Variants in BCHE observed in about 807,000 individuals in gnomAD.
BCHE encodes cholinesterase.
A neutral mutation model predicts 51.3 loss-of-function variants in BCHE; 48 were observed. That is an observed-to-expected ratio of 0.94 (90% CI 0.74 to 1.19). The LOEUF (loss-of-function observed/expected upper bound fraction) is 1.19, where lower values mean the gene tolerates loss of function less well. BCHE is among the 50% of genes most tolerant of loss of function. The probability of loss-of-function intolerance (pLI) is 0.00; values close to 1 mark genes in which losing one functional copy is unlikely to be tolerated. For missense variants in BCHE, 847 were observed against 708.2 expected, an observed-to-expected ratio of 1.20 and a Z score of -2.23; for synonymous variants, 251 against 238.0, an observed-to-expected ratio of 1.05 and a Z score of -0.50.
intron 3 of BCHE, among the ~76,000 whole-genome samples, chr3:165,779,533 A>C (rs79913347): frequency 6.6e-6 from 1 of 152,142 alleles, no homozygotes; most frequent in African/African-American, 2.4e-5. Flanking sequence ...GTCTTAGCCC[A>C]AAACCTCCTG....
rs1714879499 is a variant in BCHE, at chr3:165,829,796, T to C, written c.1238A>G (p.Tyr413Cys). Residue 413 changes from tyrosine to cysteine, a missense_variant, in exon 2 of 4, where the codon TAC (tyrosine) becomes TGC (cysteine). Coordinates refer to ENST00000264381, the MANE Select transcript of BCHE (RefSeq NM_000055.4). ...DWVDDQRPEN[Y>C]REALGDVVGD... ...AACAACATCACCCAAGGCCTCACGG[T>C]AGTTTTCAGGTCTCTGATCATCTAC... is the stretch of plus-strand genomic sequence containing the variant. 1 of 1,613,794 alleles carries C rather than the reference T, an allele frequency of 6.2e-7. No individual in the cohort carries two copies. Among genetic ancestry groups the C allele is most frequent in the South Asian group, 1.1e-5 (1 of 91,086 alleles).
Position 165,812,274 on chromosome 3 carries a change from C to A in BCHE, c.1517+17243G>T, listed in dbSNP as rs1413436788. ...TATCAATGGAAAAAAAAATGGATCT[C>A]ATGAGTCTTTGATTTTTTTTTTTGA... On this transcript the variant is annotated intron_variant, in intron 2 of 3. Transcript: ENST00000264381. 4.2e-5 allele frequency among the ~76,000 whole-genome samples: 4 copies of A among 95,194 alleles called. No homozygotes were observed. In the East Asian group the frequency reaches 1.2e-3, roughly 29 times the overall value. The allele number at this position is 95,194 out of a possible 152,430, so 62.5% of individuals were successfully genotyped here. A position where few individuals can be genotyped will look rare whatever the true frequency, so the allele number is the denominator to read the frequency against.
Position 165,829,504 on chromosome 3 carries a change from A to T in BCHE, c.1517+13T>A. 1 of 1,605,058 alleles carries T rather than the reference A, an allele frequency of 6.2e-7. No homozygotes were observed. The highest frequency in any genetic ancestry group is 8.5e-7 in the Non-Finnish European group (1 of 1,171,964). On this transcript the variant is annotated intron_variant, in intron 2 of 3. Coordinates refer to ENST00000264381, the MANE Select transcript of BCHE (RefSeq NM_000055.4). ...AACCAAGCCAGAGAACAATGACAAA[A>T]ATCAGCACTTACCCATATTTTGCAA...
At chr3:165,788,788 A>G (rs1300774045) in intron 2 of BCHE, among the ~76,000 whole-genome samples, 1 of 152,160 alleles carries the variant, frequency 6.6e-6, no homozygotes, top group Non-Finnish European at 1.5e-5. Context: ...TCATTTAACA[A>G]ACTTTGTCCT....
intron 3 of BCHE, among the ~76,000 whole-genome samples, chr3:165,774,642 C>T (rs543837684): frequency 7.7e-4 from 117 of 152,190 alleles, no homozygotes; most frequent in Non-Finnish European, 1.3e-3. Context: ...CTGGCCAATA[C>T]ATTTTAATGG....
At chr3:165,786,446 T>A in intron 2 of BCHE, 135 bp from the exon 3 acceptor site, 2 of 786,532 alleles carry the variant, frequency 2.5e-6, no homozygotes, top group Non-Finnish European at 2.0e-6. Flanking sequence ...ATTGATGATA[T>A]GAAACGTATG....
intron 2 of BCHE, among the ~76,000 whole-genome samples, chr3:165,804,065 A>AC (rs1226598224): frequency 2.0e-5 from 3 of 151,828 alleles, no homozygotes; most frequent in Non-Finnish European, 4.4e-5. Context: ...AGAAAAAAAA[A>AC]AAACTCTGAT....
At position 165,830,137 on chromosome 3, in the gene BCHE, T is replaced by A. The variant is rs948084239; in HGVS notation, c.897A>T (p.Glu299Asp). 36 of 1,613,904 alleles carry A rather than the reference T, an allele frequency of 2.2e-5. No individual in the cohort carries two copies. Among genetic ancestry groups the A allele is most frequent in the Non-Finnish European group, 3.0e-5 (35 of 1,179,912 alleles). Residue 299 changes from glutamate (E) to aspartate (D), a missense_variant, in exon 2 of 4, where the codon GAA becomes GAT. By Grantham distance (45) the Glu-to-Asp change is conservative (BLOSUM62 2). Transcript: ENST00000264381. The stretch of plus-strand genomic sequence containing the variant: ...CAACAAATGCTTCATTCAGAAGAAT[T>A]TCTTGGGGATCTTTATTTCTAAGAC... ...IKCLRNKDPQ[E>D]ILLNEAFVVP... is the part of the protein sequence containing the mutation.
At chr3:165,797,101 T>C (rs1713410283) in intron 2 of BCHE, among the ~76,000 whole-genome samples, 1 of 151,180 alleles carries the variant, frequency 6.6e-6, no homozygotes, top group Non-Finnish European at 1.5e-5. Flanking sequence ...AGAAACTTTT[T>C]CTTTCCCTTC....
In BCHE at chr3:165,825,848, A is replaced by G. The variant is rs193110024; in HGVS notation, c.1517+3669T>C. On this transcript the variant is annotated intron_variant, in intron 2 of 3. Transcript: ENST00000264381. ...CAATAAAAATTGGCAAAAGACTTAA[A>G]CATTTCAAAATAGAAAAAATACCAA... Among the ~76,000 whole-genome samples, 40 of 152,250 alleles carry G rather than the reference A, an allele frequency of 2.6e-4. 2 individuals carry two copies. The highest frequency in any genetic ancestry group is 1.8e-4 in the Non-Finnish European group (12 of 68,014).
intron 2 of BCHE, among the ~76,000 whole-genome samples, chr3:165,821,115 T>C (rs1714495504): frequency 6.6e-6 from 1 of 151,968 alleles, no homozygotes. Flanking sequence ...ACCTTGTCAT[T>C]GTGATAGTAC....
intron 2 of BCHE, among the ~76,000 whole-genome samples, chr3:165,809,583 A>T (rs575406620): frequency 3.3e-5 from 5 of 152,228 alleles, no homozygotes; most frequent in Admixed American, 3.3e-4. Context: ...AACTTTTTAG[A>T]TCCATTGCAC....
In BCHE at chr3:165,777,715, A is replaced by C. The variant is rs1712526790; in HGVS notation, c.1685-4209T>G. Reference sequence around the variant, plus strand: ...GAGTCTGAACTGCACAAGTCCACTTACATGTGGATTTTCTTCCACCTCTGT... The same window carrying C: ...GAGTCTGAACTGCACAAGTCCACTTCCATGTGGATTTTCTTCCACCTCTGT... On this transcript the variant is annotated intron_variant, in intron 3 of 3. Coordinates refer to ENST00000264381, the MANE Select transcript of BCHE (RefSeq NM_000055.4). 3 of 440,222 alleles carry C rather than the reference A, an allele frequency of 6.8e-6. No homozygotes were observed. In the Admixed American group the frequency reaches 7.2e-5, roughly 11 times the overall value. The allele number at this position is 440,222 out of a possible 1,614,324, so 27.3% of individuals were successfully genotyped here.
chr3:165,807,176 A>G (rs1037021874), intron 2 of BCHE, among the ~76,000 whole-genome samples: 38 of 152,180 alleles, frequency 2.5e-4, no homozygotes, highest in Non-Finnish European at 4.4e-5. Flanking sequence ...AATTTTTCAC[A>G]CTGGTATTTT....
chr3:165,810,868 C>T (rs1714066810), intron 2 of BCHE, among the ~76,000 whole-genome samples: 1 of 152,004 alleles, frequency 6.6e-6, no homozygotes. Context: ...ATGACATATC[C>T]AGCTGATAAA....
chr3:165,829,340 G>C (rs1297944027), intron 2 of BCHE, among the ~76,000 whole-genome samples, 177 bp downstream of exon 2: 1 of 151,958 alleles, frequency 6.6e-6, no homozygotes, highest in East Asian at 1.9e-4. Flanking sequence ...TAAACACTCT[G>C]ACACAGGGAG....
At position 165,791,948 on chromosome 3, in the gene BCHE, A is replaced by AAAAATAAAATAAAATAATAT. The variant is rs1713184757; in HGVS notation, c.1518-5638_1518-5637insATATTATTTTATTTTATTTT. 5.9e-5 allele frequency among the ~76,000 whole-genome samples: 8 copies of AAAAATAAAATAAAATAATAT among 135,520 alleles called. No individual in the cohort carries two copies. The Admixed American group carries it at 5.9e-4, about 10-fold the overall frequency. The allele number at this position is 135,520 out of a possible 152,430, so 88.9% of individuals were successfully genotyped here. ...GGTGACGGAGCGAGGCTCCATCTCA[A>AAAAATAAAATAAAATAATAT]AAAATAAAATAAAATAAAATAAAAT... On this transcript the variant is annotated intron_variant, in intron 2 of 3. Transcript: ENST00000264381.
chr3:165,804,751 G>A (rs1456126456), intron 2 of BCHE, among the ~76,000 whole-genome samples: 1 of 152,132 alleles, frequency 6.6e-6, no homozygotes, highest in Non-Finnish European at 1.5e-5. Flanking sequence ...GAATAAATTG[G>A]CTAGAGACAT....
intron 2 of BCHE, among the ~76,000 whole-genome samples, chr3:165,807,363 A>G (rs1713904334): frequency 6.6e-6 from 1 of 151,968 alleles, no homozygotes; most frequent in South Asian, 2.1e-4. Flanking sequence ...AAATTTCCTT[A>G]GGAAATATAA....
Sources: allele counts gnomAD v4.1 joint callset (sites outside exome capture counted in the v4.1 genomes callset), GRCh38; gene constraint gnomAD v4.1.1; transcripts MANE v1.5; gene names NCBI Gene and HGNC (gene_info 2026-07-23, HGNC 2026-07-21).